Variants in TRAPPC9 observed in about 807,000 individuals in gnomAD.
TRAPPC9 encodes IKK2 binding protein.
A neutral mutation model predicts 124.0 loss-of-function variants in TRAPPC9; 83 were observed. The observed-to-expected ratio is 0.67, with a 90% CI of 0.56 to 0.80. The LOEUF is 0.80. Ranked by LOEUF, TRAPPC9 falls within the 30% of genes least tolerant of loss-of-function variation. TRAPPC9 has a pLI of 0.00. For missense variants in TRAPPC9, 1,302 were observed against 1,508.3 expected, an observed-to-expected ratio of 0.86 and a Z score of 2.27; for synonymous variants, 638 against 617.5, an observed-to-expected ratio of 1.03 and a Z score of -0.49.
intron 2 of TRAPPC9, 105 bp from the exon 3 acceptor site, chr8:140,439,302 G>C: frequency 8.2e-7 from 1 of 1,216,482 alleles, no homozygotes; most frequent in Non-Finnish European, 1.2e-6. Context: ...ATGCTAAGAA[G>C]GCAACTGTAG....
At chr8:140,060,641 C>T (rs1282049186) in intron 17 of TRAPPC9, among the ~76,000 whole-genome samples, 1 of 151,870 alleles carries the variant, frequency 6.6e-6, no homozygotes, top group African/African-American at 2.4e-5. Context: ...TCCCTGCCCA[C>T]GGGCACTACC....
At chr8:140,270,267 G>A (rs746809605) in intron 15 of TRAPPC9, among the ~76,000 whole-genome samples, 7 of 152,202 alleles carry the variant, frequency 4.6e-5, no homozygotes, top group Non-Finnish European at 8.8e-5. Context: ...CAGAGCAGGC[G>A]TGGAGAGGGG....
chr8:140,395,311 C>T (rs910253885), intron 7 of TRAPPC9, among the ~76,000 whole-genome samples: 1 of 152,190 alleles, frequency 6.6e-6, no homozygotes, highest in Non-Finnish European at 1.5e-5. Flanking sequence ...GCCACTTTGA[C>T]TTATCGGCCT....
chr8:139,938,329 G>A (rs917225907), intron 19 of TRAPPC9, among the ~76,000 whole-genome samples: 10 of 152,096 alleles, frequency 6.6e-5, no homozygotes, highest in Admixed American at 4.6e-4. Flanking sequence ...CTGTCACCAG[G>A]GCTGGAGTGC....
chr8:139,755,902 T>C (rs1236368620), intron 21 of TRAPPC9, among the ~76,000 whole-genome samples: 85 of 38,232 alleles, frequency 2.2e-3, no homozygotes, highest in Admixed American at 4.7e-3. Flanking sequence ...ATGAGGACAG[T>C]GTGTCGCAGG....
At chr8:139,980,811 C>T (rs1329000793) in intron 19 of TRAPPC9, among the ~76,000 whole-genome samples, 1 of 152,108 alleles carries the variant, frequency 6.6e-6, no homozygotes, top group African/African-American at 2.4e-5. Flanking sequence ...ACAGGGTGGG[C>T]GTGGGAGGAG....
intron 21 of TRAPPC9, among the ~76,000 whole-genome samples, chr8:139,851,224 A>C (rs927630031): frequency 1.3e-5 from 2 of 152,252 alleles, no homozygotes; most frequent in Non-Finnish European, 2.9e-5. Context: ...CGAGGAGAGC[A>C]GTATATCAGG....
intron 20 of TRAPPC9, among the ~76,000 whole-genome samples, chr8:139,893,170 T>C (rs1442339474): frequency 6.6e-6 from 1 of 152,226 alleles, no homozygotes; most frequent in East Asian, 1.9e-4. Context: ...CCTGGCGAGA[T>C]GCCTCTCCTG....
intron 9 of TRAPPC9, among the ~76,000 whole-genome samples, chr8:140,333,760 GTTTATAAATGCCCCAT>G (rs1228277678): frequency 6.6e-6 from 1 of 152,202 alleles, no homozygotes; most frequent in African/African-American, 2.4e-5. Context: ...ATCAGGGTTT[GTTTATAAATGCCCCAT>G]GAGTGAAGAA....
At chr8:140,096,036 C>T (rs1263556167) in intron 17 of TRAPPC9, 1 of 152,224 alleles carries the variant, frequency 6.6e-6, no homozygotes, top group Non-Finnish European at 1.5e-5. Flanking sequence ...GAGTATACCA[C>T]GTGAGGGAGG....
At chr8:140,262,858 A>C (rs2064477597) in intron 15 of TRAPPC9, 1 of 152,294 alleles carries the variant, frequency 6.6e-6, no homozygotes, top group Non-Finnish European at 1.5e-5. Context: ...TAGAAGTGGC[A>C]TAATTAATTC....
intron 19 of TRAPPC9, among the ~76,000 whole-genome samples, chr8:139,926,019 T>A (rs1028075181): frequency 6.6e-6 from 1 of 152,216 alleles, no homozygotes; most frequent in African/African-American, 2.4e-5. Context: ...AGGAGCCAAC[T>A]GTTAGCATCT....
chr8:140,034,674 A>G (rs901468742), intron 17 of TRAPPC9, among the ~76,000 whole-genome samples: 1 of 152,266 alleles, frequency 6.6e-6, no homozygotes, highest in Non-Finnish European at 1.5e-5. Flanking sequence ...GACATTCAGT[A>G]GGCTCATACT....
rs112930282 is a variant in TRAPPC9, at chr8:139,778,134, G to A, written c.3056-45932C>T. On this transcript the variant is annotated intron_variant, in intron 21 of 22. Coordinates refer to ENST00000438773, the MANE Select transcript of TRAPPC9 (RefSeq NM_001160372.4). ...AAAATGTGCCTGATGCTCACACAGA[G>A]CGAGGAATAGTGCCTGTTCCCATCA... Among the ~76,000 whole-genome samples the A allele has an allele frequency of 1.2e-3, 177 of 152,286 alleles. 1 individual carries two copies. Among genetic ancestry groups the A allele is most frequent in the African/African-American group, 4.1e-3 (169 of 41,544 alleles).
In TRAPPC9 at chr8:140,272,367, T is replaced by TGGTAGC. The variant is rs1322113314; in HGVS notation, c.2278+3290_2278+3291insGCTACC. Reference sequence around the variant, plus strand: ...GTCACAGTGGAGAGAGTGGTGGTAGTGAGGGTGGTGGTGATGATGGTGATG... The same window carrying TGGTAGC: ...GTCACAGTGGAGAGAGTGGTGGTAGTGGTAGCGAGGGTGGTGGTGATGATGGTGATG... On this transcript the variant is annotated intron_variant, in intron 15 of 22. Coordinates refer to ENST00000438773, the MANE Select transcript of TRAPPC9 (RefSeq NM_001160372.4). 1.7e-3 allele frequency among the ~76,000 whole-genome samples: 254 copies of TGGTAGC among 147,006 alleles called. 1 individual carries two copies. The highest frequency in any genetic ancestry group is 2.7e-3 in the Non-Finnish European group (183 of 67,424).
intron 17 of TRAPPC9, among the ~76,000 whole-genome samples, chr8:140,116,817 CTGAATAGGCGGAGTTCAG>C (rs530482093): frequency 0.19 from 27,679 of 146,882 alleles, 4,301 homozygotes; most frequent in Admixed American, 0.28. Flanking sequence ...GACGGTGGGG[CTGAATAGGCGGAGTTCAG>C]TGAGTAGGCG....
chr8:140,094,198 C>T (rs986368190), intron 17 of TRAPPC9, among the ~76,000 whole-genome samples: 12 of 152,234 alleles, frequency 7.9e-5, no homozygotes, highest in Non-Finnish European at 1.5e-4. Context: ...ATGGTGGTCA[C>T]TTCCAAATAG....
intron 18 of TRAPPC9, among the ~76,000 whole-genome samples, chr8:140,016,344 T>C (rs1418825872): frequency 6.6e-6 from 1 of 152,202 alleles, no homozygotes; most frequent in East Asian, 1.9e-4. Flanking sequence ...TCCTGGTTTG[T>C]ACTGAGGACT....
At chr8:140,369,155 T>A (rs1316375963) in intron 8 of TRAPPC9, among the ~76,000 whole-genome samples, 7 of 152,174 alleles carry the variant, frequency 4.6e-5, no homozygotes, top group Non-Finnish European at 1.0e-4. Flanking sequence ...CCAGAATGCA[T>A]CCTGAGAATC....
Sources: allele counts gnomAD v4.1 joint callset (sites outside exome capture counted in the v4.1 genomes callset), GRCh38; gene constraint gnomAD v4.1.1; transcripts MANE v1.5; gene names NCBI Gene and HGNC (gene_info 2026-07-23, HGNC 2026-07-21).